AIG1: variants seen among roughly 807,000 people sequenced by gnomAD.
AIG1 encodes the protein androgen induced 1, also known as androgen-induced gene 1 protein.
A neutral mutation model predicts 31.4 loss-of-function variants in AIG1; 23 were observed. The observed-to-expected ratio is 0.73, with a 90% CI of 0.53 to 1.04. The LOEUF (loss-of-function observed/expected upper bound fraction) is 1.04, where lower values mean the gene tolerates loss of function less well. Among genes scored for constraint, AIG1 ranks in the 50% least tolerant of loss-of-function variants. The pLI, the probability that AIG1 is intolerant of heterozygous loss-of-function variation, is 0.00. For synonymous variants in AIG1, 100 were observed against 110.5 expected (o/e 0.90, Z 0.60); for missense variants, 274 against 295.0 (o/e 0.93, Z 0.52).
At chr6:143,189,408 A>C (rs953804400) in intron 3 of AIG1, 24 of 980,168 alleles carry the variant, frequency 2.4e-5, no homozygotes, top group Non-Finnish European at 2.8e-5. Context: ...ATAGTAACTT[A>C]TTTTAAGAAT....
At chr6:143,207,197 T>C (rs1438125388) in intron 3 of AIG1, among the ~76,000 whole-genome samples, 3 of 152,172 alleles carry the variant, frequency 2.0e-5, no homozygotes, top group African/African-American at 7.2e-5. Context: ...AGACTTAGAT[T>C]CCATTCCATG....
chr6:143,252,496 TG>T (rs1442479811), intron 3 of AIG1, among the ~76,000 whole-genome samples: 9 of 152,070 alleles, frequency 5.9e-5, no homozygotes, highest in South Asian at 2.1e-4. Flanking sequence ...AAAATGAGGA[TG>T]GGGGGAGGCC....
At chr6:143,153,772 G>A (rs1201071123) in intron 2 of AIG1, among the ~76,000 whole-genome samples, 2 of 152,018 alleles carry the variant, frequency 1.3e-5, no homozygotes, top group Admixed American at 1.3e-4. Flanking sequence ...ATTTTCCTTT[G>A]CCTTTAGTTT....
intron 1 of AIG1, among the ~76,000 whole-genome samples, chr6:143,102,414 A>T (rs975770985): frequency 3.4e-5 from 5 of 148,894 alleles, no homozygotes; most frequent in African/African-American, 1.2e-4. Flanking sequence ...AAAACGTTTC[A>T]TGAGATATTA....
At chr6:143,172,354 A>G (rs1368109331) in intron 3 of AIG1, among the ~76,000 whole-genome samples, 2 of 152,174 alleles carry the variant, frequency 1.3e-5, no homozygotes, top group East Asian at 3.8e-4. Flanking sequence ...TTCTGTTCAC[A>G]TGGTGCATCA....
At chr6:143,224,483 G>A (rs1304901115) in intron 3 of AIG1, among the ~76,000 whole-genome samples, 1 of 152,148 alleles carries the variant, frequency 6.6e-6, no homozygotes, top group African/African-American at 2.4e-5. Flanking sequence ...TGTAAACAGA[G>A]AATTGTTTGG....
At chr6:143,278,793 C>T (rs1797141401) in intron 3 of AIG1, among the ~76,000 whole-genome samples, 1 of 152,008 alleles carries the variant, frequency 6.6e-6, no homozygotes, top group African/African-American at 2.4e-5. Context: ...CTTTAGTGCC[C>T]CTCTATACTT....
chr6:143,189,814 A>T, intron 3 of AIG1: 7 of 979,132 alleles, frequency 7.1e-6, no homozygotes, highest in Non-Finnish European at 8.5e-6. Context: ...GTAAATAAAA[A>T]AGAGATATAT....
intron 1 of AIG1, among the ~76,000 whole-genome samples, chr6:143,063,410 C>T (rs1233158786): frequency 1.3e-5 from 2 of 152,178 alleles, no homozygotes; most frequent in Non-Finnish European, 2.9e-5. Flanking sequence ...CAAAGAGTGC[C>T]TGTGAGAAAG....
At chr6:143,143,721 C>A (rs1397355197) in intron 2 of AIG1, among the ~76,000 whole-genome samples, 1 of 151,498 alleles carries the variant, frequency 6.6e-6, no homozygotes, top group East Asian at 1.9e-4. Flanking sequence ...TCAGCTAGGT[C>A]ATGTTTTATG....
intron 4 of AIG1, among the ~76,000 whole-genome samples, chr6:143,320,702 G>A (rs191047648): frequency 1.7e-4 from 26 of 152,212 alleles, no homozygotes; most frequent in Admixed American, 8.5e-4. Context: ...AATCAAGGAG[G>A]TGTTGGTCAA....
Position 143,340,895 on chromosome 6 carries a change from G to A in AIG1, c.*1219G>A, listed in dbSNP as rs1440238455. 6.6e-6 allele frequency among the ~76,000 whole-genome samples: 1 copy of A among 151,776 alleles called. No individual in the cohort carries two copies. The highest frequency in any genetic ancestry group is 1.5e-5 in the Non-Finnish European group (1 of 67,976). On this transcript the variant is annotated 3_prime_UTR_variant, in exon 6 of 6. Coordinates refer to ENST00000357847, the MANE Select transcript of AIG1 (RefSeq NM_016108.4). ...GTATTGATTGCCCAATGTTGAGAGA[G>A]ATCAACAAATGATATAAAACCATTC...
rs113568438 is a variant in AIG1 at position 143,173,201 on chromosome 6, G to A, written c.399+8018G>A. On this transcript the variant is annotated intron_variant, in intron 3 of 5. Transcript: ENST00000357847. ...CTCCTGAGTAGCTAGGATTACAGGC[G>A]TGCACCACCACACCTGTCTAATTTG... 7.5e-3 allele frequency among the ~76,000 whole-genome samples: 1,146 copies of A among 152,118 alleles called. 7 individuals are homozygous for A. Among genetic ancestry groups the A allele is most frequent in the African/African-American group, 0.026 (1,073 of 41,500 alleles).
At chr6:143,294,083 G>GGCC (rs1482970770) in intron 4 of AIG1, among the ~76,000 whole-genome samples, 1 of 152,078 alleles carries the variant, frequency 6.6e-6, no homozygotes, top group Non-Finnish European at 1.5e-5. Context: ...ATAGGAAAAG[G>GGCC]GCCTCTATGT....
At chr6:143,069,001 C>T (rs534002119) in intron 1 of AIG1, among the ~76,000 whole-genome samples, 1 of 151,552 alleles carries the variant, frequency 6.6e-6, no homozygotes, top group Admixed American at 6.6e-5. Flanking sequence ...TCCACATACA[C>T]TAAAATTTAT....
chr6:143,289,962 A>G (rs1286437634), intron 4 of AIG1, among the ~76,000 whole-genome samples: 7 of 152,186 alleles, frequency 4.6e-5, no homozygotes, highest in Non-Finnish European at 7.3e-5. Flanking sequence ...TGACCAGCAG[A>G]TGACATTTTT....
At chr6:143,087,352 T>C (rs927490803) in intron 1 of AIG1, among the ~76,000 whole-genome samples, 3 of 152,210 alleles carry the variant, frequency 2.0e-5, no homozygotes, top group African/African-American at 4.8e-5. Context: ...GTGACTGTTG[T>C]AGCTCTATTA....
chr6:143,341,299 G>T (rs1217052630), downstream of AIG1, among the ~76,000 whole-genome samples: 1 of 152,152 alleles, frequency 6.6e-6, no homozygotes, highest in East Asian at 1.9e-4. Flanking sequence ...TCAAAGACTT[G>T]AAGGATCCAG....
intron 4 of AIG1, among the ~76,000 whole-genome samples, chr6:143,317,340 G>A (rs1775839741): frequency 1.3e-5 from 2 of 152,114 alleles, no homozygotes; most frequent in African/African-American, 4.8e-5. Context: ...GAGATGCAGG[G>A]ATGGTTTAAC....
Sources: gnomAD v4.1 joint callset for allele counts (sites outside exome capture counted in the v4.1 genomes callset) on GRCh38, gnomAD v4.1.1 for gene constraint, MANE v1.5 for transcripts, NCBI Gene and HGNC (gene_info 2026-07-23, HGNC 2026-07-21) for gene names.